The following EXOC4 variants were observed in gnomAD, a reference collection of about 807,000 sequenced individuals.
EXOC4 encodes the protein exocyst complex component 4.
Under a neutral mutation model 107.2 loss-of-function variants are expected in EXOC4, and 71 were observed. The ratio of observed to expected loss-of-function variants is 0.66; its 90% confidence interval spans 0.55 to 0.81. The LOEUF (loss-of-function observed/expected upper bound fraction) is 0.81. Among genes scored for constraint, EXOC4 ranks in the 30% least tolerant of loss-of-function variants. The probability of loss-of-function intolerance (pLI) is 0.00; values close to 1 mark genes in which losing one functional copy is unlikely to be tolerated. For synonymous variants in EXOC4, 456 were observed against 441.2 expected (o/e 1.03, Z -0.42); for missense variants, 1,108 against 1,189.6 (o/e 0.93, Z 1.01).
intron 1 of EXOC4, among the ~76,000 whole-genome samples, chr7:133,262,644 C>T (rs1323464336): frequency 6.6e-6 from 1 of 152,162 alleles, no homozygotes; most frequent in African/African-American, 2.4e-5. Context: ...AAAAATATCA[C>T]TTGAGAGCTT....
chr7:133,929,668 C>A (rs6966403), intron 13 of EXOC4, among the ~76,000 whole-genome samples: 70,365 of 151,806 alleles, frequency 0.46, 17,529 homozygotes, highest in African/African-American at 0.64. Context: ...TATTTTGTCA[C>A]CCAGTTAAGA....
intron 7 of EXOC4, among the ~76,000 whole-genome samples, chr7:133,420,767 A>G (rs1797586721): frequency 6.6e-6 from 1 of 151,976 alleles, no homozygotes; most frequent in Non-Finnish European, 1.5e-5. Flanking sequence ...TAGAGGGAGA[A>G]GAAAGTTCTT....
At chr7:134,069,324 C>T (rs902651434), downstream of EXOC4, among the ~76,000 whole-genome samples, 3 of 96,876 alleles carry the variant, frequency 3.1e-5, no homozygotes, top group Non-Finnish European at 5.9e-5. Flanking sequence ...TCCTTCTCCC[C>T]CTCCTTCTCC....
At position 133,517,865 on chromosome 7, in the gene EXOC4, A is replaced by G. The variant is rs116426332; in HGVS notation, c.1417+37727A>G. On this transcript the variant is annotated intron_variant, in intron 9 of 17. Transcript: ENST00000253861. Reference sequence around the variant, plus strand: ...TAGAAATTAGTCTTTCACTGGGCATATGCATATATCAGTTAGCTTTTACTA... The same window carrying G: ...TAGAAATTAGTCTTTCACTGGGCATGTGCATATATCAGTTAGCTTTTACTA... Among the ~76,000 whole-genome samples the G allele has an allele frequency of 8.0e-3, 1,221 of 152,272 alleles. 20 individuals are homozygous for G. The highest frequency in any genetic ancestry group is 0.028 in the African/African-American group (1,152 of 41,546).
chr7:133,379,607 A>C (rs1428811251), intron 7 of EXOC4, among the ~76,000 whole-genome samples: 2 of 151,950 alleles, frequency 1.3e-5, no homozygotes, highest in African/African-American at 2.4e-5. Flanking sequence ...GGACTATGTA[A>C]TTTTACTTAT....
At position 133,650,937 on chromosome 7, in the gene EXOC4, G is replaced by GTTTTTTTTTTTT. The variant is rs200499348; in HGVS notation, c.1514+20810_1514+20821dup. ...TCTTAGTACATACTGAGATTGGTCAGTTTTTTTTTTTTTTTTTTTTTTTTT... is the reference window on the plus strand; with the variant it reads ...TCTTAGTACATACTGAGATTGGTCAGTTTTTTTTTTTTTTTTTTTTTTTTTTTTTTTTTTTTT... On this transcript the variant is annotated intron_variant, in intron 10 of 17. Coordinates refer to ENST00000253861, the MANE Select transcript of EXOC4 (RefSeq NM_021807.4). Among the ~76,000 whole-genome samples, 220 of 88,664 alleles carry GTTTTTTTTTTTT rather than the reference G, an allele frequency of 2.5e-3. 20 individuals are homozygous for GTTTTTTTTTTTT. Among genetic ancestry groups the GTTTTTTTTTTTT allele is most frequent in the Non-Finnish European group, 3.1e-3 (139 of 44,774 alleles). The allele number at this position is 88,664 out of a possible 152,430, so 58.2% of individuals were successfully genotyped here. A position where few individuals can be genotyped will look rare whatever the true frequency, so the allele number is the denominator to read the frequency against.
At chr7:133,444,299 C>G (rs1420998310) in intron 7 of EXOC4, among the ~76,000 whole-genome samples, 1 of 152,180 alleles carries the variant, frequency 6.6e-6, no homozygotes, top group Non-Finnish European at 1.5e-5. Context: ...GGCGTTTTCT[C>G]CAGGCTCTTT....
At chr7:133,747,959 G>A (rs1336858087) in intron 10 of EXOC4, among the ~76,000 whole-genome samples, 1 of 152,142 alleles carries the variant, frequency 6.6e-6, no homozygotes, top group Admixed American at 6.6e-5. Context: ...TGGTCTTTCA[G>A]ATTCAGAATG....
chr7:133,835,141 C>A (rs1797891954), intron 11 of EXOC4, among the ~76,000 whole-genome samples: 1 of 152,084 alleles, frequency 6.6e-6, no homozygotes, highest in African/African-American at 2.4e-5. Context: ...CCTTTATCAG[C>A]AGTGTGAAAA....
intron 3 of EXOC4, among the ~76,000 whole-genome samples, chr7:133,295,727 G>A (rs1450583803): frequency 2.0e-5 from 3 of 152,086 alleles, no homozygotes; most frequent in Admixed American, 6.6e-5. Flanking sequence ...TTCTTTATGC[G>A]CAAGGAATGG....
intron 14 of EXOC4, among the ~76,000 whole-genome samples, chr7:133,952,406 T>C (rs1800714325): frequency 6.6e-6 from 1 of 152,212 alleles, no homozygotes; most frequent in African/African-American, 2.4e-5. Context: ...ACCCCTTCTC[T>C]GCTGCCTAAT....
chr7:133,823,865 ATATATAT>A (rs1563014751), intron 11 of EXOC4, among the ~76,000 whole-genome samples: 17 of 14,872 alleles, frequency 1.1e-3, no homozygotes, highest in South Asian at 5.8e-3. Flanking sequence ...ATATATATAT[ATATATAT>A]TATATATATA....
intron 14 of EXOC4, among the ~76,000 whole-genome samples, chr7:133,966,419 T>A (rs1801066924): frequency 6.6e-6 from 1 of 152,256 alleles, no homozygotes; most frequent in Non-Finnish European, 1.5e-5. Context: ...TCAGAGGGAA[T>A]GCTTCCAGCT....
Position 133,356,674 on chromosome 7 carries a change from A to G in EXOC4, c.1007+101A>G. On this transcript the variant is annotated intron_variant, in intron 6 of 17. Transcript: ENST00000253861. ...ACCTTCTGTTGATGTTGTTTTCTTG[A>G]ACTTAGGATACTATAGCCCATACAG... 2.2e-6 allele frequency: 3 copies of G among 1,375,270 alleles called. No individual in the cohort carries two copies. The South Asian group carries it at 4.1e-5, about 19-fold the overall frequency. 85.2% of individuals were successfully genotyped at this position (1,375,270 alleles called of 1,614,324 possible).
chr7:133,923,128 C>CTTTT (rs35715979), intron 13 of EXOC4, among the ~76,000 whole-genome samples: 2 of 126,522 alleles, frequency 1.6e-5, no homozygotes, highest in Non-Finnish European at 3.3e-5. Flanking sequence ...AGAGTTTACA[C>CTTTT]TTTTTTTTTT....
chr7:133,578,719 A>T (rs1383073607), intron 9 of EXOC4, among the ~76,000 whole-genome samples: 1 of 152,214 alleles, frequency 6.6e-6, no homozygotes, highest in Non-Finnish European at 1.5e-5. Flanking sequence ...TGTTCTTTGC[A>T]GTGTTACAGC....
chr7:133,800,814 G>A (rs1013589360), intron 10 of EXOC4, among the ~76,000 whole-genome samples: 5 of 152,142 alleles, frequency 3.3e-5, no homozygotes, highest in African/African-American at 9.7e-5. Context: ...ATACTATAAA[G>A]TGTCAAGCAT....
In EXOC4 at chr7:134,020,963, G is replaced by A. The variant is rs946592597; in HGVS notation, c.2687+13128G>A. On this transcript the variant is annotated intron_variant, in intron 17 of 17. Coordinates refer to ENST00000253861, the MANE Select transcript of EXOC4 (RefSeq NM_021807.4). Reference sequence around the variant, plus strand: ...ATTGCACCACTGCACTCCAGCCTGGGCGACAGAGCAAGACTGTCTCAAAAA... The same window carrying A: ...ATTGCACCACTGCACTCCAGCCTGGACGACAGAGCAAGACTGTCTCAAAAA... Among the ~76,000 whole-genome samples the A allele has an allele frequency of 3.3e-5, 5 of 151,072 alleles. No homozygotes were observed. The South Asian group carries it at 8.4e-4, about 25-fold the overall frequency.
chr7:133,261,766 G>A (rs1795158325), intron 1 of EXOC4, among the ~76,000 whole-genome samples: 1 of 152,110 alleles, frequency 6.6e-6, no homozygotes, highest in South Asian at 2.1e-4. Flanking sequence ...AAATTCTTTT[G>A]AGTATTCCAC....
Sources: gnomAD v4.1 joint callset for allele counts (sites outside exome capture counted in the v4.1 genomes callset) on GRCh38, gnomAD v4.1.1 for gene constraint, MANE v1.5 for transcripts, NCBI Gene and HGNC (gene_info 2026-07-23, HGNC 2026-07-21) for gene names.